Variants in RGS20 observed in about 807,000 individuals in gnomAD.
RGS20 encodes gz-selective GTPase-activating protein.
A neutral mutation model predicts 33.6 loss-of-function variants in RGS20; 30 were observed. The ratio of observed to expected loss-of-function variants is 0.89; its 90% confidence interval spans 0.67 to 1.21. The LOEUF (loss-of-function observed/expected upper bound fraction) is 1.21. Ranked by LOEUF, RGS20 falls within the 50% of genes most tolerant of loss-of-function variation. RGS20 has a pLI of 0.00. For missense variants in RGS20, 472 were observed against 502.4 expected (o/e 0.94, Z 0.58); for synonymous variants, 208 against 197.9 (o/e 1.05, Z -0.43).
intron 4 of RGS20, among the ~76,000 whole-genome samples, chr8:53,950,620 GT>G (rs942607346): frequency 0.035 from 4,976 of 141,328 alleles, 85 homozygotes; most frequent in African/African-American, 0.048. Context: ...TTAATGTTTT[GT>G]TTTTTTTTTT....
intron 3 of RGS20, among the ~76,000 whole-genome samples, chr8:53,945,941 T>C (rs1158192964): frequency 6.6e-6 from 1 of 150,662 alleles, no homozygotes; most frequent in African/African-American, 2.4e-5. Flanking sequence ...CAAGATGAGA[T>C]AAAAGTACAA....
chr8:53,930,904 G>A (rs890028504), intron 2 of RGS20, among the ~76,000 whole-genome samples: 1 of 152,150 alleles, frequency 6.6e-6, no homozygotes, highest in African/African-American at 2.4e-5. Flanking sequence ...TCTTGGTTTG[G>A]AGATTGTGCT....
intron 3 of RGS20, among the ~76,000 whole-genome samples, chr8:53,940,273 A>G (rs1387113623): frequency 1.3e-5 from 2 of 152,232 alleles, no homozygotes; most frequent in Non-Finnish European, 1.5e-5. Context: ...AAAAGGAAAG[A>G]AACGACTTGA....
intron 1 of RGS20, among the ~76,000 whole-genome samples, chr8:53,878,399 T>C (rs1385610271): frequency 1.3e-5 from 2 of 151,750 alleles, no homozygotes; most frequent in African/African-American, 2.4e-5. Flanking sequence ...TGTAGAACCG[T>C]GGGTTTCTGA....
chr8:53,881,684 G>C (rs1167609401), intron 2 of RGS20, among the ~76,000 whole-genome samples: 1 of 152,168 alleles, frequency 6.6e-6, no homozygotes, highest in Non-Finnish European at 1.5e-5. Context: ...GACTAGGTAT[G>C]GGCGTTCACT....
rs763502054 is a variant in RGS20, at chr8:53,879,269, T to C, written c.177T>C (p.Pro59=). Residue 59 remains proline (P), a synonymous_variant, in exon 2 of 6, where the codon CCT becomes CCC. Transcript: ENST00000297313. ...TCTCCCCACCCCAGTCCTTCCCGCC[T>C]GCACAGCTCCCAGACTCGCCCGCCG... 3.6e-5 allele frequency: 58 copies of C among 1,613,714 alleles called. No homozygotes were observed. Among genetic ancestry groups the C allele is most frequent in the Non-Finnish European group, 4.8e-5 (57 of 1,179,912 alleles).
intron 3 of RGS20, among the ~76,000 whole-genome samples, chr8:53,941,392 T>C (rs1004943754): frequency 1.3e-5 from 2 of 152,106 alleles, no homozygotes; most frequent in African/African-American, 4.8e-5. Context: ...CCGAGTTTAC[T>C]GCCTGCAAAC....
At chr8:53,923,662 A>C (rs1182419187) in intron 2 of RGS20, among the ~76,000 whole-genome samples, 1 of 151,984 alleles carries the variant, frequency 6.6e-6, no homozygotes, top group Admixed American at 6.6e-5. Context: ...ATATGATTAT[A>C]TTTTGCTGGA....
chr8:53,881,036 C>T (rs747710210), intron 2 of RGS20: 2 of 1,581,224 alleles, frequency 1.3e-6, no homozygotes, highest in South Asian at 1.1e-5. Flanking sequence ...CGGACGGAGG[C>T]GAGCCGGCCG....
chr8:53,894,401 A>ATG (rs1240894332), intron 2 of RGS20, among the ~76,000 whole-genome samples: 1 of 152,202 alleles, frequency 6.6e-6, no homozygotes, highest in Non-Finnish European at 1.5e-5. Context: ...AGATTCTCCC[A>ATG]TGCACATCCT....
chr8:53,931,320 G>T (rs1165613935), intron 2 of RGS20, among the ~76,000 whole-genome samples: 2 of 152,188 alleles, frequency 1.3e-5, no homozygotes, highest in African/African-American at 4.8e-5. Flanking sequence ...ACTTTGAGAG[G>T]CCAAGGTGGG....
chr8:53,909,209 G>GTGTATGTGTGTA (rs1242600309), intron 2 of RGS20, among the ~76,000 whole-genome samples: 5 of 43,722 alleles, frequency 1.1e-4, no homozygotes, highest in African/African-American at 5.6e-4. Context: ...TGGTATGTGT[G>GTGTATGTGTGTA]TATATATATA....
At chr8:53,891,775 C>G (rs1251503910) in intron 2 of RGS20, among the ~76,000 whole-genome samples, 1 of 151,050 alleles carries the variant, frequency 6.6e-6, no homozygotes, top group Non-Finnish European at 1.5e-5. Context: ...AAATGTAATA[C>G]ATGTTTTGTC....
rs111951938 is a variant in RGS20 at position 53,921,009 on chromosome 8, C to T, written c.511-18567C>T. 8.9e-3 allele frequency among the ~76,000 whole-genome samples: 1,354 copies of T among 152,332 alleles called. 22 individuals carry two copies. The highest frequency in any genetic ancestry group is 0.031 in the African/African-American group (1,284 of 41,574). ...TCCTGACCTCAGGTGATCCACCCACCTCGGCCTCCCAAAGTGCTGGGATAA... is the reference window on the plus strand; with the variant it reads ...TCCTGACCTCAGGTGATCCACCCACTTCGGCCTCCCAAAGTGCTGGGATAA... On this transcript the variant is annotated intron_variant, in intron 2 of 5. Coordinates refer to ENST00000297313, the MANE Select transcript of RGS20 (RefSeq NM_170587.4).
At position 53,856,163 on chromosome 8, in the gene RGS20, C is replaced by A. The variant is rs1811665374; in HGVS notation, c.165+4099C>A. ...AAAATAAACTACAAAATCCCACGCACCTGCACATACACTCACACACTTGTC... is the reference window on the plus strand; with the variant it reads ...AAAATAAACTACAAAATCCCACGCAACTGCACATACACTCACACACTTGTC... On this transcript the variant is annotated intron_variant, in intron 1 of 5. Coordinates refer to ENST00000297313, the MANE Select transcript of RGS20 (RefSeq NM_170587.4). 2.6e-5 allele frequency among the ~76,000 whole-genome samples: 4 copies of A among 152,144 alleles called. No homozygotes were observed. The South Asian group carries it at 8.3e-4, about 32-fold the overall frequency.
At chr8:53,956,042 G>C (rs1040575207) in intron 5 of RGS20, among the ~76,000 whole-genome samples, 2 of 152,118 alleles carry the variant, frequency 1.3e-5, no homozygotes, top group Non-Finnish European at 1.5e-5. Context: ...GCACTCACTG[G>C]GGCTCGGGGG....
At chr8:53,880,824 G>A in intron 2 of RGS20, 48 bp from the exon 1 acceptor site, 1 of 1,370,086 alleles carries the variant, frequency 7.3e-7, no homozygotes, top group South Asian at 1.5e-5. Context: ...GAGGCGAGAC[G>A]TGGGATTGCC....
At chr8:53,911,105 C>T (rs1563389197) in intron 2 of RGS20, among the ~76,000 whole-genome samples, 1 of 152,134 alleles carries the variant, frequency 6.6e-6, no homozygotes, top group South Asian at 2.1e-4. Flanking sequence ...AAAAATAGTG[C>T]TATCTAGCAA....
chr8:53,944,646 A>G (rs552989009), intron 3 of RGS20, among the ~76,000 whole-genome samples: 2 of 152,336 alleles, frequency 1.3e-5, no homozygotes, highest in East Asian at 3.8e-4. Context: ...AAACCCGAAG[A>G]GAATTATAGC....
Sources: gnomAD v4.1 joint callset for allele counts (sites outside exome capture counted in the v4.1 genomes callset) on GRCh38, gnomAD v4.1.1 for gene constraint, MANE v1.5 for transcripts, NCBI Gene and HGNC (gene_info 2026-07-23, HGNC 2026-07-21) for gene names.